ARHGEF28: variants seen among roughly 807,000 people sequenced by gnomAD.
The protein encoded by ARHGEF28 is 190 kDa guanine nucleotide exchange factor.
Under a neutral mutation model 206.6 loss-of-function variants are expected in ARHGEF28, and 152 were observed. The observed-to-expected ratio is 0.74, with a 90% CI of 0.64 to 0.84. The LOEUF is 0.84. Ranked by LOEUF, ARHGEF28 falls within the 40% of genes least tolerant of loss-of-function variation. The probability of loss-of-function intolerance (pLI) is 0.00; values close to 1 mark genes in which losing one functional copy is unlikely to be tolerated. For synonymous variants in ARHGEF28, 763 were observed against 776.4 expected (o/e 0.98, Z 0.29); for missense variants, 2,028 against 2,073.2 (o/e 0.98, Z 0.42).
At chr5:73,685,952 A>G (rs772627985) in intron 2 of ARHGEF28, among the ~76,000 whole-genome samples, 8 of 152,182 alleles carry the variant, frequency 5.3e-5, no homozygotes, top group Non-Finnish European at 8.8e-5. Flanking sequence ...AGAATCCTCA[A>G]TTGATGAGAA....
At chr5:73,809,872 GA>G (rs1755741602) in intron 9 of ARHGEF28, among the ~76,000 whole-genome samples, 1 of 152,196 alleles carries the variant, frequency 6.6e-6, no homozygotes, top group Admixed American at 6.5e-5. Flanking sequence ...GATATATGGT[GA>G]AAGGGTGGCC....
At chr5:73,772,524 G>A (rs868299398) in intron 4 of ARHGEF28, among the ~76,000 whole-genome samples, 7 of 152,044 alleles carry the variant, frequency 4.6e-5, no homozygotes, top group South Asian at 4.1e-4. Flanking sequence ...GACCACAGGC[G>A]AGTGCCACCA....
chr5:73,813,514 C>G (rs1230912030), intron 9 of ARHGEF28: 1 of 1,525,260 alleles, frequency 6.6e-7, no homozygotes, highest in Non-Finnish European at 8.8e-7. Flanking sequence ...GGGAGGCTTG[C>G]CTCCTGGCTG....
At chr5:73,696,856 T>C (rs572362669) in intron 2 of ARHGEF28, among the ~76,000 whole-genome samples, 6 of 152,336 alleles carry the variant, frequency 3.9e-5, no homozygotes, top group African/African-American at 1.2e-4. Context: ...TTTAATTTTG[T>C]TGTTTGCTTA....
At chr5:73,780,766 C>A in intron 7 of ARHGEF28, 21 bp downstream of exon 7, 1 of 1,551,970 alleles carries the variant, frequency 6.4e-7, no homozygotes, top group East Asian at 2.4e-5. Context: ...TCCTTTCCCA[C>A]TTATGGCAGC....
intron 27 of ARHGEF28, among the ~76,000 whole-genome samples, chr5:73,892,883 C>G (rs1176694377): frequency 6.6e-6 from 1 of 152,150 alleles, no homozygotes; most frequent in African/African-American, 2.4e-5. Flanking sequence ...TCTGCCCTGG[C>G]ACCCCACTTC....
Position 73,858,193 on chromosome 5 carries a change from T to TG in ARHGEF28, c.2025dup (p.Lys676GlufsTer8), listed in dbSNP as rs758894853. 6.2e-7 allele frequency: 1 copy of TG among 1,605,826 alleles called. No homozygotes were observed. The highest frequency in any genetic ancestry group is 1.7e-5 in the Admixed American group (1 of 57,546). Reference sequence around the variant, plus strand: ...TGTTTGGTTTGTGATAAAACACTCCTGGGGAAAGAGTCACTGCAGTGTTCT... The same window carrying TG: ...TGTTTGGTTTGTGATAAAACACTCCTGGGGGAAAGAGTCACTGCAGTGTTCT... On this transcript the variant is annotated frameshift_variant, in exon 16 of 36. Transcript: ENST00000513042. LOFTEE classifies it high-confidence loss of function.
chr5:73,736,444 A>C (rs1054786899), intron 2 of ARHGEF28, among the ~76,000 whole-genome samples: 1 of 152,202 alleles, frequency 6.6e-6, no homozygotes, highest in Non-Finnish European at 1.5e-5. Flanking sequence ...CCTCATCTAT[A>C]AAATGAGGAT....
chr5:73,909,804 G>A lies in ARHGEF28; in HGVS notation c.4554G>A (p.Gln1518=). Residue 1518 remains glutamine, a synonymous_variant, in exon 34 of 36, where the codon CAG becomes CAA. Coordinates refer to ENST00000513042, the MANE Select transcript of ARHGEF28 (RefSeq NM_001177693.2). Reference sequence around the variant, plus strand: ...GCCAGCGCCTGGTGGAGAGGGAGCAGGCGAGGATGCGGGCCCAGCAGAGCC... The same window carrying A: ...GCCAGCGCCTGGTGGAGAGGGAGCAAGCGAGGATGCGGGCCCAGCAGAGCC... ...REGQRLVERE[Q]ARMRAQQSLL... is the part of the protein sequence containing the mutation. 1 of 1,535,016 alleles carries A rather than the reference G, an allele frequency of 6.5e-7. No individual in the cohort carries two copies.
At chr5:73,857,417 T>C (rs1190796454) in intron 14 of ARHGEF28, among the ~76,000 whole-genome samples, 2 of 152,184 alleles carry the variant, frequency 1.3e-5, no homozygotes, top group Admixed American at 6.5e-5. Context: ...TTCCACCACC[T>C]ATGTTCTATA....
At chr5:73,704,270 T>C (rs535623581) in intron 2 of ARHGEF28, among the ~76,000 whole-genome samples, 16 of 152,238 alleles carry the variant, frequency 1.1e-4, no homozygotes, top group African/African-American at 3.9e-4. Context: ...AAGGACATCA[T>C]CTACCTGTTA....
At chr5:73,877,854 T>G (rs573756737) in intron 22 of ARHGEF28, among the ~76,000 whole-genome samples, 2 of 152,248 alleles carry the variant, frequency 1.3e-5, no homozygotes, top group South Asian at 4.2e-4. Flanking sequence ...GTGTGGCCAA[T>G]TTTGGAATAG....
intron 29 of ARHGEF28, among the ~76,000 whole-genome samples, chr5:73,896,751 A>T (rs1005495987): frequency 6.6e-6 from 1 of 152,152 alleles, no homozygotes; most frequent in African/African-American, 2.4e-5. Context: ...TAAATCGCCC[A>T]CTCTCAGTAT....
chr5:73,779,612 C>G (rs1753721870), intron 6 of ARHGEF28, among the ~76,000 whole-genome samples: 1 of 152,156 alleles, frequency 6.6e-6, no homozygotes. Flanking sequence ...AGGTGGCTGG[C>G]TGTCTTAGAC....
At chr5:73,793,252 TC>T (rs1754591770) in intron 7 of ARHGEF28, among the ~76,000 whole-genome samples, 1 of 152,236 alleles carries the variant, frequency 6.6e-6, no homozygotes, top group Admixed American at 6.5e-5. Flanking sequence ...TGTTGGTTTC[TC>T]TGCTCCATCC....
intron 14 of ARHGEF28, 139 bp downstream of exon 14, chr5:73,852,831 C>T (rs767389532): frequency 2.3e-5 from 20 of 886,502 alleles, no homozygotes; most frequent in Non-Finnish European, 3.5e-5. Flanking sequence ...TTTGCTCCCT[C>T]TGGGATCTGT....
intron 26 of ARHGEF28, among the ~76,000 whole-genome samples, chr5:73,889,099 A>G (rs1580053889): frequency 6.6e-6 from 1 of 152,226 alleles, no homozygotes; most frequent in Non-Finnish European, 1.5e-5. Context: ...CAAATATCTT[A>G]TAGTTAACAC....
At chr5:73,841,745 CA>C (rs1198196129) in intron 11 of ARHGEF28, among the ~76,000 whole-genome samples, 1 of 144,456 alleles carries the variant, frequency 6.9e-6, no homozygotes, top group Non-Finnish European at 1.5e-5. Context: ...AAAAGAAAAA[CA>C]AAATAATGAA....
At chr5:73,747,581 TTCTG>T (rs568519849) in intron 2 of ARHGEF28, among the ~76,000 whole-genome samples, 7 of 152,210 alleles carry the variant, frequency 4.6e-5, no homozygotes, top group Non-Finnish European at 1.0e-4. Flanking sequence ...GCCCATCCAT[TTCTG>T]TCTAAGTGGG....
Sources: gnomAD v4.1 joint callset for allele counts (sites outside exome capture counted in the v4.1 genomes callset) on GRCh38, gnomAD v4.1.1 for gene constraint, MANE v1.5 for transcripts, NCBI Gene and HGNC (gene_info 2026-07-23, HGNC 2026-07-21) for gene names.